The following KANSL1 variants were observed in gnomAD, a reference collection of about 807,000 sequenced individuals.
The protein encoded by KANSL1 is KAT8 regulatory NSL complex subunit 1, also known as MLL1/MLL complex subunit KANSL1.
Under a neutral mutation model 103.6 loss-of-function variants are expected in KANSL1, and 22 were observed. The observed-to-expected ratio is 0.21, with a 90% CI of 0.15 to 0.30. KANSL1 has a LOEUF of 0.30. Among genes scored for constraint, KANSL1 ranks in the 10% least tolerant of loss-of-function variants. The probability of loss-of-function intolerance (pLI) is 1.00; values close to 1 mark genes in which losing one functional copy is unlikely to be tolerated. For synonymous variants in KANSL1, 600 were observed against 527.6 expected (o/e 1.14, Z -1.88); for missense variants, 1,337 against 1,399.8 (o/e 0.96, Z 0.72).
intron 2 of KANSL1, among the ~76,000 whole-genome samples, chr17:46,167,049 A>C (rs1419581145): frequency 6.6e-6 from 1 of 151,386 alleles, no homozygotes; most frequent in African/African-American, 2.4e-5. Flanking sequence ...AGAGAAAAAA[A>C]GAAAGGAAAA....
chr17:46,107,964 C>G (rs1413421821), intron 2 of KANSL1, among the ~76,000 whole-genome samples: 1 of 152,230 alleles, frequency 6.6e-6, no homozygotes, highest in African/African-American at 2.4e-5. Context: ...TCAGCCACTT[C>G]TTGCCACTTC....
intron 3 of KANSL1, among the ~76,000 whole-genome samples, chr17:46,089,383 C>T (rs1429807071): frequency 1.3e-5 from 2 of 150,996 alleles, no homozygotes; most frequent in East Asian, 1.9e-4. Context: ...AATCACCTAG[C>T]AGTAGTCACA....
At chr17:46,140,722 G>A (rs1184576175) in intron 2 of KANSL1, among the ~76,000 whole-genome samples, 1 of 152,160 alleles carries the variant, frequency 6.6e-6, no homozygotes, top group Non-Finnish European at 1.5e-5. Flanking sequence ...TTAGAAATGA[G>A]CAAAGGATCT....
chr17:46,088,379 A>G (rs1416392350), intron 3 of KANSL1: 19 of 152,418 alleles, frequency 1.2e-4, no homozygotes, highest in Admixed American at 3.3e-4. Context: ...CCTGGAAAAG[A>G]TAAGTTGTCT....
intron 1 of KANSL1, among the ~76,000 whole-genome samples, chr17:46,206,981 C>A (rs1188598366): frequency 6.6e-6 from 1 of 151,892 alleles, no homozygotes; most frequent in Admixed American, 6.6e-5. Flanking sequence ...AAAAGAGAAT[C>A]CAATTTTAAA....
intron 1 of KANSL1, among the ~76,000 whole-genome samples, chr17:46,178,875 T>C (rs1451411545): frequency 6.6e-6 from 1 of 152,238 alleles, no homozygotes; most frequent in Non-Finnish European, 1.5e-5. Flanking sequence ...AGTTCAAATA[T>C]GTGACCTCTA....
At chr17:46,114,151 G>A (rs1374707994) in intron 2 of KANSL1, among the ~76,000 whole-genome samples, 2 of 152,160 alleles carry the variant, frequency 1.3e-5, no homozygotes, top group African/African-American at 4.8e-5. Flanking sequence ...ACAAGGTCAC[G>A]AGTTCTAGAC....
rs199737786 is a variant in KANSL1 at position 46,171,296 on chromosome 17, C to T, written c.848G>A (p.Arg283Lys). 2.0e-5 allele frequency: 33 copies of T among 1,613,988 alleles called. No individual in the cohort carries two copies. The highest frequency in any genetic ancestry group is 3.3e-5 in the South Asian group (3 of 91,090). ...ILFSALDSDTRITALLRRQAD... is the reference protein window; with the variant it reads ...ILFSALDSDTKITALLRRQAD... ...CTGTCGCCGCAGTAAAGCTGTTATC[C>T]TTGTGTCAGAATCTAAAGCACTGAA... is the stretch of plus-strand genomic sequence containing the variant. Residue 283 changes from arginine (R) to lysine (K), a missense_variant, in exon 2 of 15, where the codon AGG becomes AAG. Arg to Lys is a conservative substitution (Grantham distance 26, BLOSUM62 2). This residue lies in a region of KANSL1 where 557 missense variants were observed against 476.4 expected (regional missense o/e 1.17). Transcript: ENST00000432791.
At chr17:46,220,913 C>T (rs2429444) in intron 1 of KANSL1, among the ~76,000 whole-genome samples, 21,950 of 151,994 alleles carry the variant, frequency 0.14, 2,154 homozygotes, top group Non-Finnish European at 0.22. Flanking sequence ...GTCTCAGACT[C>T]CTGACCTCAG....
intron 2 of KANSL1, among the ~76,000 whole-genome samples, chr17:46,122,687 C>T (rs754540657): frequency 2.8e-4 from 43 of 152,218 alleles, no homozygotes; most frequent in Admixed American, 7.8e-4. Flanking sequence ...CTTCCAACAG[C>T]GTGCACTCAC....
intron 2 of KANSL1, among the ~76,000 whole-genome samples, chr17:46,149,259 C>T (rs1336635157): frequency 6.6e-6 from 1 of 152,222 alleles, no homozygotes; most frequent in Non-Finnish European, 1.5e-5. Flanking sequence ...TCTCGGCCTC[C>T]CAAAGTGCTG....
In KANSL1 at chr17:46,085,880, G is replaced by A. The variant is rs960005184; in HGVS notation, c.1432-3338C>T. On this transcript the variant is annotated intron_variant, in intron 3 of 14. Transcript: ENST00000432791. ...TAGACTCAAGCAATCCACCTGCCTC[G>A]GCCTCTCAAAGTGCTGGGATTACAT... Among the ~76,000 whole-genome samples the A allele has an allele frequency of 9.2e-5, 14 of 151,948 alleles. 1 individual carries two copies. Among genetic ancestry groups the A allele is most frequent in the South Asian group, 6.2e-4 (3 of 4,818 alleles).
Position 46,172,146 on chromosome 17 carries a change from A to G in KANSL1, c.-3T>C. ...AGAGCGGGCGCCATCGCAGCCATTC[A>G]GCACAGAGAGACAGGAAGTCCAGCC... On this transcript the variant is annotated 5_prime_UTR_variant, in exon 2 of 15. Transcript: ENST00000432791. 1 of 1,601,590 alleles carries G rather than the reference A, an allele frequency of 6.2e-7. No homozygotes were observed.
intron 6 of KANSL1, among the ~76,000 whole-genome samples, chr17:46,054,520 T>C (rs1163045858): frequency 1.3e-5 from 2 of 152,234 alleles, no homozygotes; most frequent in Non-Finnish European, 2.9e-5. Context: ...GTAATCAGTG[T>C]AAATCTTGTT....
At position 46,094,542 on chromosome 17, in the gene KANSL1, C is replaced by T; in HGVS notation, c.1431+18G>A. The T allele has an allele frequency of 6.2e-7, 1 of 1,603,362 alleles. No individual in the cohort carries two copies. Among genetic ancestry groups the T allele is most frequent in the Non-Finnish European group, 8.5e-7 (1 of 1,176,656 alleles). ...AGTTTTCGGCAGCATTTAAAAACAT[C>T]AGATACTTATCCCTTACCTTATTAG... On this transcript the variant is annotated intron_variant, in intron 3 of 14. Transcript: ENST00000432791.
intron 1 of KANSL1, among the ~76,000 whole-genome samples, chr17:46,218,270 G>C (rs1468318400): frequency 2.0e-5 from 3 of 152,228 alleles, no homozygotes; most frequent in South Asian, 2.1e-4. Context: ...AAAATTCGCA[G>C]CTCAGGTTTA....
chr17:46,149,355 AG>A (rs1346163934), intron 2 of KANSL1, among the ~76,000 whole-genome samples: 15 of 152,216 alleles, frequency 9.9e-5, no homozygotes, highest in Admixed American at 3.9e-4. Context: ...TTCATTTGAC[AG>A]GAAGGCATGG....
At position 46,039,196 on chromosome 17, in the gene KANSL1, G is replaced by C; in HGVS notation, c.2223C>G (p.Thr741=). 1 of 1,589,528 alleles carries C rather than the reference G, an allele frequency of 6.3e-7. No homozygotes were observed. Among genetic ancestry groups the C allele is most frequent in the Non-Finnish European group, 8.5e-7 (1 of 1,171,618 alleles). ...LTTAKLSHHQ[T]RPDRTHRQHL... is the part of the protein sequence containing the mutation. Reference sequence around the variant, plus strand: ...GCTGCCTGTGGGTCCTGTCAGGCCGGGTTTGGTGATGGGACAGCTCTGAAG... The same window carrying C: ...GCTGCCTGTGGGTCCTGTCAGGCCGCGTTTGGTGATGGGACAGCTCTGAAG... The change falls in exon 9 of 15, where the codon ACC becomes ACG. Residue 741 remains threonine (T), a synonymous_variant. Transcript: ENST00000432791.
intron 1 of KANSL1, among the ~76,000 whole-genome samples, chr17:46,204,591 T>C (rs1310539366): frequency 6.6e-6 from 1 of 152,208 alleles, no homozygotes; most frequent in Admixed American, 6.5e-5. Flanking sequence ...CAAGAACACA[T>C]CTCAACTCAT....
Sources: gnomAD v4.1 joint callset for allele counts (sites outside exome capture counted in the v4.1 genomes callset) on GRCh38, gnomAD v4.1.1 for gene constraint, gnomAD v4.1.1 regional missense constraint, MANE v1.5 for transcripts, NCBI Gene and HGNC (gene_info 2026-07-23, HGNC 2026-07-21) for gene names.